The following NRXN1 variants were observed in gnomAD, a reference collection of about 807,000 sequenced individuals.
The protein encoded by NRXN1 is neurexin-1.
NRXN1 carries 39 observed loss-of-function variants against 150.9 expected under a neutral mutation model. The observed-to-expected ratio is 0.26, with a 90% CI of 0.20 to 0.34. The LOEUF is 0.34. Ranked by LOEUF, NRXN1 falls within the 10% of genes least tolerant of loss-of-function variation. The pLI is 1.00. For missense variants in NRXN1, 1,815 were observed against 1,949.9 expected (o/e 0.93, Z 1.30); for synonymous variants, 924 against 757.0 (o/e 1.22, Z -3.62).
At chr2:50,672,974 C>G (rs183700884) in intron 5 of NRXN1, among the ~76,000 whole-genome samples, 1 of 152,092 alleles carries the variant, frequency 6.6e-6, no homozygotes, top group East Asian at 1.9e-4. Context: ...TTTGTTCTAG[C>G]TTACTAAACT....
chr2:50,531,205 A>G (rs200409742), intron 11 of NRXN1, 22 bp downstream of exon 11: 8 of 1,599,534 alleles, frequency 5.0e-6, no homozygotes, highest in Admixed American at 3.4e-5. Flanking sequence ...TGTTAGTTCA[A>G]TGGGGGAAGG....
At position 50,528,607 on chromosome 2, in the gene NRXN1, T is replaced by G. The variant is rs199912761; in HGVS notation, c.2374+18A>C. The G allele has an allele frequency of 9.8e-6, 14 of 1,430,464 alleles. No individual in the cohort carries two copies. In the African/African-American group the frequency reaches 1.8e-4, roughly 19 times the overall value. 88.6% of individuals were successfully genotyped at this position (1,430,464 alleles called of 1,614,324 possible). On this transcript the variant is annotated intron_variant, in intron 12 of 22. Coordinates refer to ENST00000401669, the MANE Select transcript of NRXN1 (RefSeq NM_001330078.2). Reference sequence around the variant, plus strand: ...TAATGGAGGAATAACATTTTAAAAATTTTGAATAGGCACTTACTGGAATTA... The same window carrying G: ...TAATGGAGGAATAACATTTTAAAAAGTTTGAATAGGCACTTACTGGAATTA...
chr2:50,698,324 C>T (rs1693225531), intron 5 of NRXN1, among the ~76,000 whole-genome samples: 1 of 152,172 alleles, frequency 6.6e-6, no homozygotes, highest in South Asian at 2.1e-4. Context: ...ACGGTGCTGT[C>T]TAGAGGCCAA....
intron 5 of NRXN1, among the ~76,000 whole-genome samples, chr2:50,773,737 A>G (rs1703278922): frequency 6.6e-6 from 1 of 152,156 alleles, no homozygotes; most frequent in Non-Finnish European, 1.5e-5. Context: ...GGCAGAAGCA[A>G]TGAAAGGGAA....
At chr2:50,161,559 CAGG>C (rs1267368858) in intron 18 of NRXN1, among the ~76,000 whole-genome samples, 2 of 152,140 alleles carry the variant, frequency 1.3e-5, no homozygotes, top group African/African-American at 4.8e-5. Context: ...AGAATTTTGA[CAGG>C]AGAACTACTA....
intron 17 of NRXN1, among the ~76,000 whole-genome samples, chr2:50,366,266 A>T (rs1572697158): frequency 6.6e-6 from 1 of 151,842 alleles, no homozygotes; most frequent in East Asian, 1.9e-4. Context: ...ATTTGTAATA[A>T]GACTCAGATC....
chr2:50,954,097 T>C (rs1292334221), intron 2 of NRXN1, among the ~76,000 whole-genome samples: 1 of 152,194 alleles, frequency 6.6e-6, no homozygotes, highest in Non-Finnish European at 1.5e-5. Flanking sequence ...GTATACATTT[T>C]AATGAAGTTA....
At chr2:50,818,269 A>C (rs1322560061) in intron 5 of NRXN1, among the ~76,000 whole-genome samples, 1 of 151,760 alleles carries the variant, frequency 6.6e-6, no homozygotes, top group African/African-American at 2.4e-5. Context: ...TGCTTTAGAT[A>C]GTTTGGACAT....
intron 21 of NRXN1, chr2:49,966,771 T>C (rs1677039642): frequency 6.6e-6 from 1 of 152,106 alleles, no homozygotes; most frequent in Non-Finnish European, 1.5e-5. Context: ...GGTGAACTGA[T>C]AGCAGTTGTA....
At chr2:50,360,583 C>T (rs937896367) in intron 17 of NRXN1, among the ~76,000 whole-genome samples, 1 of 152,100 alleles carries the variant, frequency 6.6e-6, no homozygotes, top group Non-Finnish European at 1.5e-5. Flanking sequence ...TATATATGCA[C>T]CCAATACAAG....
chr2:49,929,022 G>A (rs1324697249), intron 22 of NRXN1, among the ~76,000 whole-genome samples: 2 of 152,142 alleles, frequency 1.3e-5, no homozygotes, highest in Non-Finnish European at 2.9e-5. Flanking sequence ...TGCTGTCTCC[G>A]ATATTTTCCT....
At chr2:50,866,173 G>T (rs1228661984) in intron 5 of NRXN1, among the ~76,000 whole-genome samples, 1 of 151,796 alleles carries the variant, frequency 6.6e-6, no homozygotes, top group East Asian at 1.9e-4. Flanking sequence ...TTCTACTGTT[G>T]AATATCAATT....
chr2:50,427,003 C>T (rs992502153), intron 17 of NRXN1, among the ~76,000 whole-genome samples: 2 of 152,136 alleles, frequency 1.3e-5, no homozygotes, highest in African/African-American at 4.8e-5. Flanking sequence ...AATATATTTA[C>T]TGCCAAATTT....
chr2:50,488,493 T>C (rs6726707), intron 15 of NRXN1, among the ~76,000 whole-genome samples: 75,220 of 151,986 alleles, frequency 0.49, 18,846 homozygotes, highest in Middle Eastern at 0.59. Flanking sequence ...TGGGCAGCTT[T>C]TGGGAGGCAG....
At chr2:50,368,659 A>G (rs1417834344) in intron 17 of NRXN1, among the ~76,000 whole-genome samples, 1 of 152,004 alleles carries the variant, frequency 6.6e-6, no homozygotes, top group East Asian at 1.9e-4. Flanking sequence ...AACAGAGAGT[A>G]AAGGAGATAG....
At chr2:50,126,830 T>C (rs1425968456) in intron 18 of NRXN1, among the ~76,000 whole-genome samples, 11 of 152,220 alleles carry the variant, frequency 7.2e-5, no homozygotes, top group South Asian at 4.1e-4. Flanking sequence ...GATGGGAAGA[T>C]AGTAATCACA....
In NRXN1 at chr2:50,372,896, C is replaced by T. The variant is rs796423713; in HGVS notation, c.3364+92546G>A. 2.6e-5 allele frequency among the ~76,000 whole-genome samples: 4 copies of T among 152,198 alleles called. 1 individual carries two copies. The highest frequency in any genetic ancestry group is 9.6e-5 in the African/African-American group (4 of 41,538). On this transcript the variant is annotated intron_variant, in intron 17 of 22. Transcript: ENST00000401669. ...AAGATAAAAGGCCAACAACTGAATACACTTCAAAAACACACCTTACCATAC... is the reference window on the plus strand; with the variant it reads ...AAGATAAAAGGCCAACAACTGAATATACTTCAAAAACACACCTTACCATAC...
chr2:50,073,783 G>C (rs1457697553), intron 19 of NRXN1, among the ~76,000 whole-genome samples: 1 of 152,130 alleles, frequency 6.6e-6, no homozygotes, highest in Non-Finnish European at 1.5e-5. Flanking sequence ...TTTTTAGGAA[G>C]AGTTTGAGCA....
chr2:50,091,222 T>C (rs369877142), intron 19 of NRXN1, 101 bp downstream of exon 19: 3 of 1,354,588 alleles, frequency 2.2e-6, no homozygotes, highest in African/African-American at 1.4e-5. Flanking sequence ...GTTGATGGTT[T>C]CTCAGAAAAC....
Sources: allele counts gnomAD v4.1 joint callset (sites outside exome capture counted in the v4.1 genomes callset), GRCh38; gene constraint gnomAD v4.1.1; transcripts MANE v1.5; gene names NCBI Gene and HGNC (gene_info 2026-07-23, HGNC 2026-07-21).